Variants in SPATA17 observed in about 807,000 individuals in gnomAD.
SPATA17 encodes spermatogenesis-associated protein 17.
SPATA17 carries 53 observed loss-of-function variants against 62.2 expected under a neutral mutation model. The observed-to-expected ratio is 0.85, with a 90% CI of 0.68 to 1.07. The LOEUF is 1.07. Ranked by LOEUF, SPATA17 falls within the 50% of genes least tolerant of loss-of-function variation. The pLI is 0.00. For synonymous variants in SPATA17, 146 were observed against 146.8 expected (o/e 0.99, Z 0.04); for missense variants, 466 against 425.5 (o/e 1.10, Z -0.84).
Position 217,869,158 on chromosome 1 carries a change from A to T in SPATA17, c.*2139A>T, listed in dbSNP as rs1676079597. ...ACATCAATAAATACATGGAAGATGT[A>T]CATTGGTTCAGTCTGGAAAGGCAGG... On this transcript the variant is annotated 3_prime_UTR_variant, in exon 11 of 11. Transcript: ENST00000366933. 1 of 152,368 alleles carries T rather than the reference A, an allele frequency of 6.6e-6. No homozygotes were observed. Among genetic ancestry groups the T allele is most frequent in the Non-Finnish European group, 1.5e-5 (1 of 68,146 alleles). 9.4% of individuals were successfully genotyped at this position (152,368 alleles called of 1,614,324 possible). A position where few individuals can be genotyped will look rare whatever the true frequency, so the allele number is the denominator to read the frequency against.
At chr1:217,853,811 A>G (rs1675717015) in intron 9 of SPATA17, among the ~76,000 whole-genome samples, 1 of 152,204 alleles carries the variant, frequency 6.6e-6, no homozygotes, top group South Asian at 2.1e-4. Context: ...CAATAGCACT[A>G]TAACTCATGC....
At chr1:217,671,156 A>G (rs1344070263) in intron 4 of SPATA17, among the ~76,000 whole-genome samples, 4 of 152,148 alleles carry the variant, frequency 2.6e-5, no homozygotes, top group Non-Finnish European at 5.9e-5. Context: ...TTTACCTCAC[A>G]AATGATTAGC....
At chr1:217,715,201 G>T (rs180955007) in intron 5 of SPATA17, among the ~76,000 whole-genome samples, 31 of 152,110 alleles carry the variant, frequency 2.0e-4, no homozygotes, top group Admixed American at 2.0e-3. Context: ...GAAGTTAAAA[G>T]GCTATCATCA....
intron 9 of SPATA17, among the ~76,000 whole-genome samples, chr1:217,845,424 C>T (rs1407041721): frequency 6.6e-6 from 1 of 151,982 alleles, no homozygotes; most frequent in East Asian, 1.9e-4. Flanking sequence ...CCTAGTTCTC[C>T]AACACTAATA....
At chr1:217,792,667 A>G (rs1013269540) in intron 8 of SPATA17, among the ~76,000 whole-genome samples, 2 of 152,124 alleles carry the variant, frequency 1.3e-5, no homozygotes, top group African/African-American at 4.8e-5. Context: ...CACATACCCC[A>G]TAGGCTTGGA....
chr1:217,659,430 A>G (rs1285216769), intron 3 of SPATA17, among the ~76,000 whole-genome samples: 1 of 152,102 alleles, frequency 6.6e-6, no homozygotes, highest in Non-Finnish European at 1.5e-5. Flanking sequence ...GTTCAGTGTG[A>G]CTTTTATAAA....
chr1:217,716,680 T>C (rs974571582), intron 5 of SPATA17, among the ~76,000 whole-genome samples: 2 of 152,238 alleles, frequency 1.3e-5, no homozygotes, highest in Non-Finnish European at 1.5e-5. Flanking sequence ...ATAGGATACA[T>C]ATGTGTTCTT....
At chr1:217,711,343 C>T (rs1190217063) in intron 5 of SPATA17, among the ~76,000 whole-genome samples, 1 of 152,064 alleles carries the variant, frequency 6.6e-6, no homozygotes, top group African/African-American at 2.4e-5. Flanking sequence ...TCTTTGTGTC[C>T]CTGTGTTCAC....
chr1:217,723,799 T>C (rs1439326489), intron 5 of SPATA17, among the ~76,000 whole-genome samples: 3 of 152,198 alleles, frequency 2.0e-5, no homozygotes, highest in Non-Finnish European at 4.4e-5. Flanking sequence ...GAATACAGTA[T>C]ATGTGCAGAT....
chr1:217,741,152 A>G (rs1672617863), intron 5 of SPATA17, among the ~76,000 whole-genome samples: 1 of 152,210 alleles, frequency 6.6e-6, no homozygotes, highest in Non-Finnish European at 1.5e-5. Flanking sequence ...TACTTTTTTA[A>G]AAAAGTATAG....
intron 6 of SPATA17, among the ~76,000 whole-genome samples, chr1:217,759,893 G>A (rs543064022): frequency 4.6e-5 from 7 of 152,276 alleles, no homozygotes; most frequent in African/African-American, 1.7e-4. Flanking sequence ...ACCATCTTCT[G>A]CTGTGGATAA....
At chr1:217,681,177 A>C (rs1671075996) in intron 4 of SPATA17, among the ~76,000 whole-genome samples, 2 of 150,946 alleles carry the variant, frequency 1.3e-5, no homozygotes, top group Non-Finnish European at 3.0e-5. Flanking sequence ...CAGTGAACCG[A>C]AATCGCGCCA....
intron 2 of SPATA17, among the ~76,000 whole-genome samples, 196 bp from the exon 3 acceptor site, chr1:217,650,896 TAACAA>T (rs1670298079): frequency 6.6e-6 from 1 of 152,222 alleles, no homozygotes; most frequent in Non-Finnish European, 1.5e-5. Flanking sequence ...CCCAAAGAAA[TAACAA>T]ATAGTTACCA....
chr1:217,633,318 G>T (rs911231617), intron 1 of SPATA17, among the ~76,000 whole-genome samples: 3 of 152,108 alleles, frequency 2.0e-5, no homozygotes, highest in Non-Finnish European at 2.9e-5. Flanking sequence ...ATTGCACCAG[G>T]AACAACTACA....
At chr1:217,759,363 G>A (rs1264167578) in intron 6 of SPATA17, among the ~76,000 whole-genome samples, 1 of 152,102 alleles carries the variant, frequency 6.6e-6, no homozygotes, top group East Asian at 1.9e-4. Context: ...GGAGGCTGAG[G>A]CAGGAGAATC....
intron 3 of SPATA17, among the ~76,000 whole-genome samples, chr1:217,656,423 G>C (rs929650538): frequency 1.3e-5 from 2 of 152,026 alleles, no homozygotes; most frequent in Admixed American, 1.3e-4. Context: ...TCCAGATTTG[G>C]ATCTAATTTT....
chr1:217,770,985 T>TTTTTTTC (rs1558043656), intron 6 of SPATA17, among the ~76,000 whole-genome samples: 4 of 110,378 alleles, frequency 3.6e-5, no homozygotes, highest in African/African-American at 1.2e-4. Context: ...TGCATTTTTT[T>TTTTTTTC]TTTTTTTTTT....
Position 217,866,361 on chromosome 1 carries a change from A to G in SPATA17, c.*3-661A>G, listed in dbSNP as rs543145673. Reference sequence around the variant, plus strand: ...CCTACCTGTGTGAAGATGTTTTGCTATGTTTTTCCATAATAGAGGCAGATT... The same window carrying G: ...CCTACCTGTGTGAAGATGTTTTGCTGTGTTTTTCCATAATAGAGGCAGATT... On this transcript the variant is annotated intron_variant, in intron 10 of 10. Coordinates refer to ENST00000366933, the MANE Select transcript of SPATA17 (RefSeq NM_138796.4). 3.3e-5 allele frequency: 5 copies of G among 152,280 alleles called. No homozygotes were observed. The East Asian group carries it at 5.8e-4, about 18-fold the overall frequency. 9.4% of individuals were successfully genotyped at this position (152,280 alleles called of 1,614,324 possible).
At chr1:217,659,649 A>G (rs1670522801) in intron 3 of SPATA17, among the ~76,000 whole-genome samples, 1 of 152,132 alleles carries the variant, frequency 6.6e-6, no homozygotes, top group African/African-American at 2.4e-5. Flanking sequence ...ATATAGATCC[A>G]CATACTAAAT....
Sources: allele counts gnomAD v4.1 joint callset (sites outside exome capture counted in the v4.1 genomes callset), GRCh38; gene constraint gnomAD v4.1.1; transcripts MANE v1.5; gene names NCBI Gene and HGNC (gene_info 2026-07-23, HGNC 2026-07-21).